CHIA: variants seen among roughly 807,000 people sequenced by gnomAD.
CHIA encodes the protein acidic mammalian chitinase.
CHIA carries 47 observed loss-of-function variants against 53.5 expected under a neutral mutation model. The ratio of observed to expected loss-of-function variants is 0.88; its 90% confidence interval spans 0.70 to 1.12. The LOEUF is 1.12. Among genes scored for constraint, CHIA ranks in the 50% most tolerant of loss-of-function variants. The probability of loss-of-function intolerance (pLI) is 0.00; values close to 1 mark genes in which losing one functional copy is unlikely to be tolerated. For synonymous variants in CHIA, 268 were observed against 222.2 expected, an observed-to-expected ratio of 1.21 and a Z score of -1.83; for missense variants, 652 against 592.2, an observed-to-expected ratio of 1.10 and a Z score of -1.05.
chr1:111,297,077 A>G (rs1017978497), intron 1 of CHIA, among the ~76,000 whole-genome samples: 48 of 152,372 alleles, frequency 3.2e-4, no homozygotes, highest in Non-Finnish European at 3.2e-4. Context: ...GGACCATGTG[A>G]AAAGACCAAA....
At position 111,320,248 on chromosome 1, in the gene CHIA, A is replaced by T; in HGVS notation, c.1213A>T (p.Thr405Ser). Reference sequence around the variant, plus strand: ...TCCAGCTCAGCCCATTGAGCCAATAACTGCTGCTCCCAGTGGCAGCGGGAA... The same window carrying T: ...TCCAGCTCAGCCCATTGAGCCAATATCTGCTGCTCCCAGTGGCAGCGGGAA... Reference protein sequence around the residue: ...TAPAQPIEPITAAPSGSGNGS... With the variant: ...TAPAQPIEPISAAPSGSGNGS... The change falls in exon 12 of 12, where the codon ACT becomes TCT. Residue 405 changes from threonine (T) to serine (S), a missense_variant. Transcript: ENST00000369740. 1 of 1,613,946 alleles carries T rather than the reference A, an allele frequency of 6.2e-7. No homozygotes were observed. The highest frequency in any genetic ancestry group is 8.5e-7 in the Non-Finnish European group (1 of 1,179,914).
rs1167664932 is a variant in CHIA at position 111,319,169 on chromosome 1, A to G, written c.965A>G (p.Gln322Arg). 2 of 1,614,222 alleles carry G rather than the reference A, an allele frequency of 1.2e-6. No homozygotes were observed. Among genetic ancestry groups the G allele is most frequent in the East Asian group, 4.5e-5 (2 of 44,888 alleles). The change falls in exon 10 of 12, where the codon CAG (glutamine) becomes CGG (arginine). Residue 322 changes from glutamine (Q) to arginine (R), a missense_variant. Gln to Arg is a conservative substitution (Grantham distance 43, BLOSUM62 1). Transcript: ENST00000369740. Reference protein sequence around the residue: ...NGATQGWDAPQEVPYAYQGNV... With the variant: ...NGATQGWDAPREVPYAYQGNV... ...GCCACTCAGGGATGGGATGCCCCTC[A>G]GGAAGTGCCTTATGCCTATCAGGGC...
intron 4 of CHIA, among the ~76,000 whole-genome samples, chr1:111,314,229 T>C (rs1648954076): frequency 6.6e-6 from 1 of 152,252 alleles, no homozygotes; most frequent in Non-Finnish European, 1.5e-5. Flanking sequence ...TTTACCATTT[T>C]ATCTGATAGA....
At chr1:111,294,259 A>C (rs1661207858) in intron 1 of CHIA, among the ~76,000 whole-genome samples, 1 of 152,202 alleles carries the variant, frequency 6.6e-6, no homozygotes, top group South Asian at 2.1e-4. Context: ...TATAGTTTTC[A>C]TTGTACAAGT....
chr1:111,300,576 T>C (rs1647639911), intron 1 of CHIA, among the ~76,000 whole-genome samples: 1 of 152,160 alleles, frequency 6.6e-6, no homozygotes, highest in Non-Finnish European at 1.5e-5. Context: ...TACACAAAAA[T>C]TTATTCAAGA....
Position 111,320,256 on chromosome 1 carries a change from T to A in CHIA, c.1221T>A (p.Ala407=), listed in dbSNP as rs187769579. ...PAQPIEPITA[A]PSGSGNGSGS... ...AGCCCATTGAGCCAATAACTGCTGCTCCCAGTGGCAGCGGGAACGGGAGCG... is the reference window on the plus strand; with the variant it reads ...AGCCCATTGAGCCAATAACTGCTGCACCCAGTGGCAGCGGGAACGGGAGCG... Residue 407 remains alanine, a synonymous_variant, in exon 12 of 12, where the codon GCT becomes GCA. Transcript: ENST00000369740. 1 of 1,614,046 alleles carries A rather than the reference T, an allele frequency of 6.2e-7. No homozygotes were observed. Among genetic ancestry groups the A allele is most frequent in the East Asian group, 2.2e-5 (1 of 44,888 alleles).
chr1:111,295,067 T>C (rs868020576), intron 1 of CHIA, among the ~76,000 whole-genome samples: 1 of 152,236 alleles, frequency 6.6e-6, no homozygotes, highest in African/African-American at 2.4e-5. Context: ...TGTTTTCTCC[T>C]CTTCATTTTT....
intron 6 of CHIA, chr1:111,317,415 C>T (rs576610957): frequency 1.2e-5 from 4 of 345,488 alleles, no homozygotes; most frequent in South Asian, 6.8e-5. Context: ...TCATCTGGGA[C>T]CTGGGTTTTG....
chr1:111,317,631 G>GATTA, intron 6 of CHIA, 50 bp from the exon 7 acceptor site: 1 of 1,599,658 alleles, frequency 6.3e-7, no homozygotes, highest in East Asian at 2.2e-5. Context: ...ATTATTTAAG[G>GATTA]AGCTAAAATC....
chr1:111,291,012 T>C (rs1660980971), intron 1 of CHIA, 62 bp downstream of exon 1: 2 of 364,526 alleles, frequency 5.5e-6, no homozygotes, highest in Non-Finnish European at 1.1e-5. Context: ...TTGATTGTTA[T>C]ATCAATTTGC....
Position 111,296,000 on chromosome 1 carries a change from G to T in CHIA, c.-69+5050G>T, listed in dbSNP as rs138343445. On this transcript the variant is annotated intron_variant, in intron 1 of 11. Transcript: ENST00000369740. ...GATTGACCTGTGAGGCAGCAGCCTG[G>T]CAGGAGGAGGGGCATCCACCATTGC... Among the ~76,000 whole-genome samples the T allele has an allele frequency of 2.6e-4, 40 of 152,360 alleles. 1 individual carries two copies. The East Asian group carries it at 7.3e-3, about 28-fold the overall frequency.
chr1:111,312,336 A>G lies in CHIA; in HGVS notation c.202A>G (p.Thr68Ala). ...FAGRQNNEIT[T>A]IEWNDVTLYQ... Reference sequence around the variant, plus strand: ...TGGGAGGCAGAACAACGAGATCACCACCATCGAATGGAATGATGTGACTCT... The same window carrying G: ...TGGGAGGCAGAACAACGAGATCACCGCCATCGAATGGAATGATGTGACTCT... Residue 68 changes from threonine (T) to alanine (A), a missense_variant, in exon 4 of 12, where the codon ACC becomes GCC. Thr to Ala is a moderately conservative substitution (Grantham distance 58). Transcript: ENST00000369740. The G allele has an allele frequency of 1.2e-6, 2 of 1,614,140 alleles. No individual in the cohort carries two copies. Among genetic ancestry groups the G allele is most frequent in the South Asian group, 2.2e-5 (2 of 91,072 alleles).
At chr1:111,317,616 T>C (rs1649262285) in intron 6 of CHIA, 65 bp from the exon 7 acceptor site, 1 of 1,551,918 alleles carries the variant, frequency 6.4e-7, no homozygotes, top group Non-Finnish European at 8.9e-7. Context: ...CATATGTTTA[T>C]TAGTATTATT....
At chr1:111,303,904 G>T (rs559533451) in intron 1 of CHIA, among the ~76,000 whole-genome samples, 1 of 152,264 alleles carries the variant, frequency 6.6e-6, no homozygotes, top group Non-Finnish European at 1.5e-5. Context: ...ACTCCCTTGA[G>T]TATTTCCTGC....
intron 2 of CHIA, among the ~76,000 whole-genome samples, chr1:111,311,273 C>G (rs959817961): frequency 7.9e-5 from 12 of 152,188 alleles, no homozygotes; most frequent in Non-Finnish European, 4.4e-5. Flanking sequence ...CAAAAAACCA[C>G]TAAAGGCCAG....
intron 1 of CHIA, among the ~76,000 whole-genome samples, chr1:111,301,260 A>G (rs1647698307): frequency 6.6e-6 from 1 of 152,226 alleles, no homozygotes; most frequent in South Asian, 2.1e-4. Context: ...AAATCATGCT[A>G]GTATAAAGAT....
intron 1 of CHIA, among the ~76,000 whole-genome samples, chr1:111,293,455 G>C (rs1661148467): frequency 6.6e-6 from 1 of 151,896 alleles, no homozygotes; most frequent in Non-Finnish European, 1.5e-5. Flanking sequence ...GTGTGTCATT[G>C]AATTTTAGAA....
chr1:111,297,333 G>A (rs1026588308), intron 1 of CHIA, among the ~76,000 whole-genome samples: 1 of 152,026 alleles, frequency 6.6e-6, no homozygotes, highest in Admixed American at 6.6e-5. Context: ...GAGAAAGGTC[G>A]GGTTACCCAC....
chr1:111,310,579 A>G, intron 2 of CHIA, 87 bp downstream of exon 2: 2 of 1,602,534 alleles, frequency 1.2e-6, no homozygotes, highest in Non-Finnish European at 1.7e-6. Context: ...TGGTCTTCAT[A>G]CTACATCCCT....
Sources: gnomAD v4.1 joint callset for allele counts (sites outside exome capture counted in the v4.1 genomes callset) on GRCh38, gnomAD v4.1.1 for gene constraint, MANE v1.5 for transcripts, NCBI Gene and HGNC (gene_info 2026-07-23, HGNC 2026-07-21) for gene names.